ACOT11: variants seen among roughly 807,000 people sequenced by gnomAD.
The protein encoded by ACOT11 is acyl-CoA thioesterase 11.
Under a neutral mutation model 77.5 loss-of-function variants are expected in ACOT11, and 69 were observed. That is an observed-to-expected ratio of 0.89 (90% CI 0.73 to 1.09). ACOT11 has a LOEUF of 1.09. ACOT11 is among the 50% of genes least tolerant of loss of function. The pLI is 0.00. For synonymous variants in ACOT11, 279 were observed against 313.0 expected (o/e 0.89, Z 1.15); for missense variants, 766 against 813.7 (o/e 0.94, Z 0.71).
In ACOT11 at chr1:54,610,086, G is replaced by A. The variant is rs529021924; in HGVS notation, c.*974G>A. On this transcript the variant is annotated 3_prime_UTR_variant, in exon 16 of 16. Transcript: ENST00000343744. ...TCTGTCAACCCAGTTTTGGGCTCCA[G>A]GTGGATGGGTTGCTTTATAAATGTG... is the stretch of plus-strand genomic sequence containing the variant. 2.1e-6 allele frequency: 3 copies of A among 1,435,640 alleles called. No homozygotes were observed. In the Admixed American group the frequency reaches 8.5e-5, roughly 41 times the overall value. The allele number at this position is 1,435,640 out of a possible 1,614,324, so 88.9% of individuals were successfully genotyped here. A position where few individuals can be genotyped will look rare whatever the true frequency, so the allele number is the denominator to read the frequency against.
intron 15 of ACOT11, among the ~76,000 whole-genome samples, chr1:54,622,650 A>G (rs1334432733): frequency 3.3e-5 from 5 of 151,754 alleles, no homozygotes; most frequent in African/African-American, 9.7e-5. Context: ...GAGGCAGGAA[A>G]ACCACTTAGA....
Position 54,620,516 on chromosome 1 carries a change from G to T in ACOT11, c.1630-10218G>T, listed in dbSNP as rs577033473. ...AGATTAGGAGTTCGAGACCAGCCTG[G>T]CCAACATGGTGAAACCATGTCTCTA... On this transcript the variant is annotated intron_variant, in intron 15 of 16. Transcript: ENST00000371316. 2.0e-5 allele frequency among the ~76,000 whole-genome samples: 3 copies of T among 152,080 alleles called. No homozygotes were observed. In the South Asian group the frequency reaches 6.3e-4, roughly 32 times the overall value.
chr1:54,562,571 G>A (rs1322487100), intron 1 of ACOT11, among the ~76,000 whole-genome samples: 11 of 147,674 alleles, frequency 7.4e-5, no homozygotes, highest in African/African-American at 2.5e-4. Flanking sequence ...CCTCCCGGAC[G>A]GGGTGGCTGC....
intron 1 of ACOT11, among the ~76,000 whole-genome samples, chr1:54,571,681 C>A (rs1653933417): frequency 6.6e-6 from 1 of 152,186 alleles, no homozygotes; most frequent in Non-Finnish European, 1.5e-5. Flanking sequence ...CCTCTCTGCT[C>A]CGCTCAGGAA....
intron 1 of ACOT11, among the ~76,000 whole-genome samples, chr1:54,560,035 G>C (rs565096857): frequency 6.6e-6 from 1 of 152,244 alleles, no homozygotes; most frequent in Admixed American, 6.5e-5. Flanking sequence ...CATTCCCAGG[G>C]GCAGCCTTGC....
rs1194863911 is a variant in ACOT11 at position 54,607,246 on chromosome 1, C to T, written c.1483C>T (p.Arg495Trp). Residue 495 changes from arginine (R) to tryptophan (W), a missense_variant, in exon 14 of 16, where the codon CGG becomes TGG. Coordinates refer to ENST00000343744, the MANE Select transcript of ACOT11 (RefSeq NM_147161.4). This position sits in a 1 kb window ranked among gnomAD's most constrained non-coding sequence, Gnocchi z 4.5. ...PQDFVILASR[R>W]KPCDNGDPYV... ...GGACTTCGTGATCCTGGCCTCGAGGCGGAAGCCTTGTGACAATGGGTGTGT... is the reference window on the plus strand; with the variant it reads ...GGACTTCGTGATCCTGGCCTCGAGGTGGAAGCCTTGTGACAATGGGTGTGT... 10 of 1,613,996 alleles carry T rather than the reference C, an allele frequency of 6.2e-6. No homozygotes were observed. The highest frequency in any genetic ancestry group is 1.7e-5 in the Admixed American group (1 of 60,002).
rs773821123 is a variant in ACOT11, at chr1:54,584,814, A to T, written c.193A>T (p.Ser65Cys). ...PCHTNQRGEL[S>C]VGQLLKWIDT... ...CCACACCAACCAACGTGGTGAGCTG[A>T]GCGTCGGGCAGCTGCTCAAGTGGAT... Residue 65 changes from serine to cysteine, a missense_variant, in exon 2 of 16, where the codon AGC becomes TGC. Physicochemically the swap from Ser to Cys is moderately radical, Grantham distance 112. Coordinates refer to ENST00000343744, the MANE Select transcript of ACOT11 (RefSeq NM_147161.4). The surrounding 1 kb of genome is among the most constrained non-coding windows in gnomAD (Gnocchi z 6.3). 1 of 1,614,032 alleles carries T rather than the reference A, an allele frequency of 6.2e-7. No homozygotes were observed. Among genetic ancestry groups the T allele is most frequent in the Non-Finnish European group, 8.5e-7 (1 of 1,180,026 alleles).
chr1:54,567,415 A>T (rs1569666789), intron 1 of ACOT11, among the ~76,000 whole-genome samples: 1 of 151,268 alleles, frequency 6.6e-6, no homozygotes, highest in East Asian at 1.9e-4. Flanking sequence ...AGTAGCTGGG[A>T]TTATAGGCAC....
At position 54,609,789 on chromosome 1, in the gene ACOT11, A is replaced by G; in HGVS notation, c.*677A>G. 2.5e-6 allele frequency: 4 copies of G among 1,614,184 alleles called. No individual in the cohort carries two copies. The highest frequency in any genetic ancestry group is 3.4e-6 in the Non-Finnish European group (4 of 1,180,008). On this transcript the variant is annotated 3_prime_UTR_variant, in exon 16 of 16. Coordinates refer to ENST00000343744, the MANE Select transcript of ACOT11 (RefSeq NM_147161.4). ...AGGGCTGCGGGCTCCGCTATTTGCA[A>G]ATGGATGCCCCAGTGTCCGGGATGT... is the stretch of plus-strand genomic sequence containing the variant.
chr1:54,632,230 G>C (rs1305799425), intron 16 of ACOT11, among the ~76,000 whole-genome samples: 7 of 152,298 alleles, frequency 4.6e-5, no homozygotes, highest in African/African-American at 1.7e-4. Flanking sequence ...CCCGTCCCGG[G>C]CCCCGCTCTA....
chr1:54,585,928 G>A, intron 3 of ACOT11, 24 bp downstream of exon 3: 1 of 1,612,604 alleles, frequency 6.2e-7, no homozygotes, highest in Admixed American at 1.7e-5. Flanking sequence ...CCTGCCTCAA[G>A]GTCCTCTGGG....
At chr1:54,590,352 T>A (rs1172023307) in intron 3 of ACOT11, among the ~76,000 whole-genome samples, 1 of 152,108 alleles carries the variant, frequency 6.6e-6, no homozygotes, top group Non-Finnish European at 1.5e-5. Context: ...GTCTGCGTTG[T>A]GAAGAACACC....
At chr1:54,600,569 G>A (rs1477463390) in intron 8 of ACOT11, among the ~76,000 whole-genome samples, 2 of 152,168 alleles carry the variant, frequency 1.3e-5, no homozygotes, top group Admixed American at 6.5e-5. Flanking sequence ...TGTAATCCCA[G>A]CTACTCAGGA....
intron 1 of ACOT11, among the ~76,000 whole-genome samples, chr1:54,577,352 A>G (rs530132982): frequency 4.6e-5 from 7 of 152,188 alleles, no homozygotes; most frequent in East Asian, 1.9e-4. Flanking sequence ...TTTTGTTTCT[A>G]TAGATTTATC....
intron 1 of ACOT11, among the ~76,000 whole-genome samples, chr1:54,570,449 C>G (rs1013020546): frequency 2.0e-5 from 3 of 152,264 alleles, no homozygotes; most frequent in African/African-American, 7.2e-5. Context: ...AGTCACAGCA[C>G]TTACCCTTGG....
At chr1:54,612,732 T>A, downstream of ACOT11, 1 of 1,596,224 alleles carries the variant, frequency 6.3e-7, no homozygotes, top group African/African-American at 1.3e-5. Flanking sequence ...TCAGAGATGT[T>A]GGTCTCACGG....
intron 1 of ACOT11, among the ~76,000 whole-genome samples, chr1:54,560,096 G>C (rs1653411382): frequency 6.6e-6 from 1 of 152,198 alleles, no homozygotes; most frequent in South Asian, 2.1e-4. Context: ...ACCAGAGTCT[G>C]ACACTTTGGG....
chr1:54,584,774 G>T lies in ACOT11; in HGVS notation c.153G>T (p.Gln51His), dbSNP rs746447202. 1 of 1,613,992 alleles carries T rather than the reference G, an allele frequency of 6.2e-7. No individual in the cohort carries two copies. The highest frequency in any genetic ancestry group is 1.1e-5 in the South Asian group (1 of 91,088). ...ACCCCACGGAGGTGCAGATGAGCCAGCTGGTGCTGCCCTGCCACACCAACC... is the reference window on the plus strand; with the variant it reads ...ACCCCACGGAGGTGCAGATGAGCCATCTGGTGCTGCCCTGCCACACCAACC... ...YRNPTEVQMS[Q>H]LVLPCHTNQR... The change falls in exon 2 of 16, where the codon CAG becomes CAT. Residue 51 changes from glutamine (Q) to histidine (H), a missense_variant. Physicochemically the swap from Gln to His is conservative, Grantham distance 24. Coordinates refer to ENST00000343744, the MANE Select transcript of ACOT11 (RefSeq NM_147161.4). This position sits in a 1 kb window ranked among gnomAD's most constrained non-coding sequence, Gnocchi z 6.3.
intron 3 of ACOT11, among the ~76,000 whole-genome samples, chr1:54,590,303 G>A (rs1279696818): frequency 1.3e-5 from 2 of 152,006 alleles, no homozygotes; most frequent in Non-Finnish European, 2.9e-5. Context: ...TGTAGGGAAG[G>A]TCTCGATGGG....
Sources: gnomAD v4.1 joint callset for allele counts (sites outside exome capture counted in the v4.1 genomes callset) on GRCh38, gnomAD v4.1.1 for gene constraint, Gnocchi (gnomAD v3.1) non-coding constraint, MANE v1.5 for transcripts, NCBI Gene and HGNC (gene_info 2026-07-23, HGNC 2026-07-21) for gene names.